The following KREMEN1 variants were observed in gnomAD, a reference collection of about 807,000 sequenced individuals.
KREMEN1 encodes kringle containing transmembrane protein 1.
KREMEN1 carries 30 observed loss-of-function variants against 46.5 expected under a neutral mutation model. The observed-to-expected ratio is 0.65, with a 90% CI of 0.48 to 0.88. The LOEUF is 0.88. Ranked by LOEUF, KREMEN1 falls within the 40% of genes least tolerant of loss-of-function variation. The probability of loss-of-function intolerance (pLI) is 0.00; values close to 1 mark genes in which losing one functional copy is unlikely to be tolerated. For synonymous variants in KREMEN1, 214 were observed against 230.6 expected (o/e 0.93, Z 0.65); for missense variants, 533 against 596.9 (o/e 0.89, Z 1.11).
At chr22:29,132,167 C>T (rs1025614505) in intron 5 of KREMEN1, among the ~76,000 whole-genome samples, 4 of 152,064 alleles carry the variant, frequency 2.6e-5, no homozygotes, top group East Asian at 1.9e-4. Context: ...CCACCACGAC[C>T]GGCCAGAATA....
chr22:29,086,695 G>A lies in KREMEN1; in HGVS notation c.98-7563G>A, dbSNP rs576707801. Among the ~76,000 whole-genome samples, 115 of 152,290 alleles carry A rather than the reference G, an allele frequency of 7.6e-4. 1 individual carries two copies. Among genetic ancestry groups the A allele is most frequent in the Admixed American group, 1.4e-3 (22 of 15,298 alleles). On this transcript the variant is annotated intron_variant, in intron 1 of 8. Coordinates refer to ENST00000400335, the MANE Select transcript of KREMEN1 (RefSeq NM_001039570.3). Reference sequence around the variant, plus strand: ...TCCCACCGGGCACCAGTCCGTATTTGAAACCCAACAGGGCGATAGGTGTGC... The same window carrying A: ...TCCCACCGGGCACCAGTCCGTATTTAAAACCCAACAGGGCGATAGGTGTGC...
intron 3 of KREMEN1, chr22:29,111,686 A>AG (rs2038154643): frequency 6.7e-6 from 1 of 150,356 alleles, no homozygotes; most frequent in African/African-American, 2.4e-5. Context: ...TTACTTAGGA[A>AG]AAAAAAAAAA....
intron 4 of KREMEN1, among the ~76,000 whole-genome samples, chr22:29,122,290 G>A (rs2038369281): frequency 6.6e-6 from 1 of 152,186 alleles, no homozygotes. Context: ...CAGGATGTCT[G>A]AAGTTAATAC....
intron 3 of KREMEN1, among the ~76,000 whole-genome samples, chr22:29,104,239 C>A (rs1250152779): frequency 6.6e-6 from 1 of 151,176 alleles, no homozygotes; most frequent in Non-Finnish European, 1.5e-5. Flanking sequence ...CTCATTGCAG[C>A]CTCTACCTCT....
chr22:29,139,301 A>G (rs1388053144), intron 7 of KREMEN1, among the ~76,000 whole-genome samples: 1 of 152,232 alleles, frequency 6.6e-6, no homozygotes, highest in Non-Finnish European at 1.5e-5. Context: ...GATAAGAGCT[A>G]TGAAGAAAAG....
chr22:29,117,151 G>GA (rs1370562497), intron 3 of KREMEN1, among the ~76,000 whole-genome samples: 1 of 150,578 alleles, frequency 6.6e-6, no homozygotes, highest in Non-Finnish European at 1.5e-5. Flanking sequence ...GTGTGTGTCT[G>GA]TGTGTGTGTG....
intron 5 of KREMEN1, among the ~76,000 whole-genome samples, chr22:29,132,891 T>C (rs1252468715): frequency 6.6e-6 from 1 of 152,232 alleles, no homozygotes; most frequent in Non-Finnish European, 1.5e-5. Context: ...TAGAGATGTC[T>C]GCTCTATCTT....
Position 29,116,177 on chromosome 22 carries a change from C to T in KREMEN1, c.353-5180C>T, listed in dbSNP as rs139675454. Among the ~76,000 whole-genome samples the T allele has an allele frequency of 2.0e-4, 31 of 152,260 alleles. 1 individual carries two copies. Among genetic ancestry groups the T allele is most frequent in the Admixed American group, 1.5e-3 (23 of 15,292 alleles). On this transcript the variant is annotated intron_variant, in intron 3 of 8. Transcript: ENST00000400335. ...TTGCACTTCTGTCTGGAATGTACTG[C>T]AAAGATTATTCTGGTTGCAGTTTGC...
Position 29,142,164 on chromosome 22 carries a change from G to T in KREMEN1, c.*52G>T, listed in dbSNP as rs543492962. ...GTCCCTCTTTGAGCTCAAGGCTGCC[G>T]TGGTCAACCTCTCCTGTGGTTCTTC... On this transcript the variant is annotated 3_prime_UTR_variant, in exon 9 of 9. Coordinates refer to ENST00000400335, the MANE Select transcript of KREMEN1 (RefSeq NM_001039570.3). 22 of 1,488,374 alleles carry T rather than the reference G, an allele frequency of 1.5e-5. No homozygotes were observed. Among genetic ancestry groups the T allele is most frequent in the East Asian group, 1.3e-4 (5 of 39,496 alleles). The allele number at this position is 1,488,374 out of a possible 1,614,324, so 92.2% of individuals were successfully genotyped here.
chr22:29,130,936 T>C (rs1018466170), intron 5 of KREMEN1, among the ~76,000 whole-genome samples: 1 of 152,254 alleles, frequency 6.6e-6, no homozygotes, highest in Admixed American at 6.5e-5. Flanking sequence ...TAATCCATCA[T>C]AAAGATCATC....
rs542499825 is a variant in KREMEN1, at chr22:29,084,822, G to GA, written c.98-9434dup. Reference sequence around the variant, plus strand: ...GATAGATAAACTGGAGATTCAAATAGAAGACCTCATGTCCCCTTCCAAAAG... The same window carrying GA: ...GATAGATAAACTGGAGATTCAAATAGAAAGACCTCATGTCCCCTTCCAAAAG... On this transcript the variant is annotated intron_variant, in intron 1 of 8. Coordinates refer to ENST00000400335, the MANE Select transcript of KREMEN1 (RefSeq NM_001039570.3). 1.5e-3 allele frequency among the ~76,000 whole-genome samples: 229 copies of GA among 152,244 alleles called. 2 individuals are homozygous for GA. Among genetic ancestry groups the GA allele is most frequent in the African/African-American group, 5.3e-3 (222 of 41,532 alleles).
At chr22:29,096,803 C>G (rs2037889652) in intron 2 of KREMEN1, among the ~76,000 whole-genome samples, 3 of 152,134 alleles carry the variant, frequency 2.0e-5, no homozygotes, top group African/African-American at 7.2e-5. Flanking sequence ...AAGCTGAACA[C>G]CGAATAGAGG....
Position 29,143,412 on chromosome 22 carries a change from GT to G in KREMEN1, c.*1301del. The G allele has an allele frequency of 1.0e-6, 1 of 985,362 alleles. No homozygotes were observed. Among genetic ancestry groups the G allele is most frequent in the Non-Finnish European group, 1.2e-6 (1 of 829,974 alleles). The allele number at this position is 985,362 out of a possible 1,614,324, so 61.0% of individuals were successfully genotyped here. The stretch of plus-strand genomic sequence containing the variant: ...CACTATATGAGACATGGGGCCTGTG[GT>G]CCTTCCTTCTGGTGTCCCCCGTGTT... On this transcript the variant is annotated 3_prime_UTR_variant, in exon 9 of 9. Coordinates refer to ENST00000400335, the MANE Select transcript of KREMEN1 (RefSeq NM_001039570.3).
chr22:29,086,679 GC>G (rs1037509829), intron 1 of KREMEN1, among the ~76,000 whole-genome samples: 1 of 152,172 alleles, frequency 6.6e-6, no homozygotes, highest in African/African-American at 2.4e-5. Context: ...TTCCCACCGG[GC>G]ACCAGTCCGT....
At chr22:29,089,408 A>C (rs1387057262) in intron 1 of KREMEN1, among the ~76,000 whole-genome samples, 1 of 151,798 alleles carries the variant, frequency 6.6e-6, no homozygotes, top group Admixed American at 6.6e-5. Context: ...TTTTGCCACT[A>C]CCTTCAAAAT....
intron 2 of KREMEN1, among the ~76,000 whole-genome samples, chr22:29,095,122 C>G (rs1200199097): frequency 2.6e-5 from 4 of 152,202 alleles, no homozygotes; most frequent in Non-Finnish European, 5.9e-5. Flanking sequence ...CCAAATCTCC[C>G]TCTGCTTCTG....
At chr22:29,093,241 T>C (rs374314632) in intron 1 of KREMEN1, among the ~76,000 whole-genome samples, 1 of 152,318 alleles carries the variant, frequency 6.6e-6, no homozygotes, top group East Asian at 1.9e-4. Context: ...GAGTCCTTAA[T>C]ACTGGAAGTT....
chr22:29,133,713 TGC>T (rs1022543517), intron 5 of KREMEN1, among the ~76,000 whole-genome samples: 109 of 152,330 alleles, frequency 7.2e-4, no homozygotes, highest in African/African-American at 2.6e-3. Flanking sequence ...TGCTTGGGTT[TGC>T]TGAAATTCTT....
rs1220520379 is a variant in KREMEN1, at chr22:29,073,218, C to T, written c.88C>T (p.Pro30Ser). The change falls in exon 1 of 9, where the codon CCC becomes TCC. Residue 30 changes from proline to serine, a missense_variant. Transcript: ENST00000400335. The surrounding 1 kb of genome is among the most constrained non-coding windows in gnomAD (Gnocchi z 4.4). The part of the protein sequence containing the change: ...ARPAPSPGLG[P>S]GPECFTANGA... ...GCCCGCGCCTAGCCCCGGCCTCGGCCCCGGACCCGGTGAGTGTGAGCGACC... is the reference window on the plus strand; with the variant it reads ...GCCCGCGCCTAGCCCCGGCCTCGGCTCCGGACCCGGTGAGTGTGAGCGACC... 3 of 1,175,612 alleles carry T rather than the reference C, an allele frequency of 2.6e-6. No individual in the cohort carries two copies. Among genetic ancestry groups the T allele is most frequent in the Admixed American group, 4.6e-5 (1 of 21,764 alleles). The allele number at this position is 1,175,612 out of a possible 1,614,324, so 72.8% of individuals were successfully genotyped here. A position where few individuals can be genotyped will look rare whatever the true frequency, so the allele number is the denominator to read the frequency against.
Sources: allele counts gnomAD v4.1 joint callset (sites outside exome capture counted in the v4.1 genomes callset), GRCh38; gene constraint gnomAD v4.1.1; non-coding constraint Gnocchi (gnomAD v3.1); transcripts MANE v1.5; gene names NCBI Gene and HGNC (gene_info 2026-07-23, HGNC 2026-07-21).